Variants in ENO4 observed in about 807,000 individuals in gnomAD.
The protein encoded by ENO4 is 2-phospho-D-glycerate hydro-lyase.
A neutral mutation model predicts 63.2 loss-of-function variants in ENO4; 53 were observed. That is an observed-to-expected ratio of 0.84 (90% CI 0.67 to 1.05). The LOEUF (loss-of-function observed/expected upper bound fraction) is 1.05. ENO4 is among the 50% of genes least tolerant of loss of function. The pLI is 0.00. For missense variants in ENO4, 719 were observed against 772.0 expected (o/e 0.93, Z 0.81); for synonymous variants, 266 against 283.8 (o/e 0.94, Z 0.63).
chr10:116,862,694 G>A, intron 6 of ENO4, 105 bp from the exon 7 acceptor site: 1 of 738,294 alleles, frequency 1.4e-6, no homozygotes, highest in East Asian at 2.7e-5. Flanking sequence ...TGCTAATCAG[G>A]GACTCTACAA....
chr10:116,886,391 CTTT>C (rs1847164850), downstream of ENO4: 5 of 1,570,788 alleles, frequency 3.2e-6, no homozygotes, highest in Non-Finnish European at 4.3e-6. Context: ...ATGCTGTCTT[CTTT>C]GTTTTCTGGT....
At chr10:116,887,118 T>TA (rs1314095936), downstream of ENO4, among the ~76,000 whole-genome samples, 3 of 152,034 alleles carry the variant, frequency 2.0e-5, no homozygotes, top group Non-Finnish European at 2.9e-5. Context: ...CAGGAGGGGG[T>TA]GGTGGTAGGA....
downstream of ENO4, chr10:116,883,001 T>C (rs892706828): frequency 2.8e-5 from 4 of 144,238 alleles, 1 homozygote; most frequent in South Asian, 8.6e-4. Flanking sequence ...CACACACACA[T>C]CATGAGACTA....
At chr10:116,861,234 A>ATATAT (rs1491202440) in intron 6 of ENO4, 44 bp downstream of exon 6, 23 of 404,290 alleles carry the variant, frequency 5.7e-5, no homozygotes, top group East Asian at 5.2e-4. Flanking sequence ...AAAAAAAAAA[A>ATATAT]AAATATATAT....
intron 10 of ENO4, among the ~76,000 whole-genome samples, chr10:116,894,924 C>T (rs2092953579): frequency 6.6e-6 from 1 of 152,188 alleles, no homozygotes; most frequent in African/African-American, 2.4e-5. Flanking sequence ...TTAAGATCTG[C>T]TTACCTCTTT....
intron 7 of ENO4, among the ~76,000 whole-genome samples, chr10:116,867,690 T>TA (rs1427793548): frequency 6.6e-6 from 1 of 152,156 alleles, no homozygotes; most frequent in African/African-American, 2.4e-5. Flanking sequence ...GTTGTTTTTT[T>TA]CCCTGGTTAT....
At chr10:116,891,583 T>A (rs1309086486) in intron 10 of ENO4, among the ~76,000 whole-genome samples, 1 of 152,228 alleles carries the variant, frequency 6.6e-6, no homozygotes. Context: ...TCCTTTTATA[T>A]TTTCTCTGGT....
At chr10:116,880,356 T>A (rs561141446) in intron 13 of ENO4, among the ~76,000 whole-genome samples, 43 of 152,336 alleles carry the variant, frequency 2.8e-4, no homozygotes, top group African/African-American at 3.6e-4. Context: ...GGAAACAAAC[T>A]GTTTTACTTA....
Position 116,860,774 on chromosome 10 carries a change from C to A in ENO4, c.635-20C>A. The A allele has an allele frequency of 2.8e-6, 4 of 1,415,780 alleles. No homozygotes were observed. The highest frequency in any genetic ancestry group is 3.7e-6 in the Non-Finnish European group (4 of 1,066,970). The allele number at this position is 1,415,780 out of a possible 1,614,324, so 87.7% of individuals were successfully genotyped here. On this transcript the variant is annotated intron_variant, in intron 4 of 13. Coordinates refer to ENST00000341276, the MANE Select transcript of ENO4 (RefSeq NM_001242699.2). ...AAGCATTTAGAAATACAGTCTTACT[C>A]TCAATATTTCTCCCTCCAGGGAGGA...
Position 116,860,944 on chromosome 10 carries a change from C to T in ENO4, c.785C>T (p.Ala262Val). ...LLNKPLYLNI[A>V]LLKHNQEQPT... ...AATAAACCTCTGTACTTAAATATCG[C>T]TCTACTGAAGCACAATCAGGTTAGT... The change falls in exon 5 of 14, where the codon GCT becomes GTT. Residue 262 changes from alanine (A) to valine (V), a missense_variant. Around this residue, in one of 3 missense-constraint regions of ENO4, gnomAD observed 544 missense variants for 583.6 expected, o/e 0.93. Coordinates refer to ENST00000341276, the MANE Select transcript of ENO4 (RefSeq NM_001242699.2). 1 of 1,544,448 alleles carries T rather than the reference C, an allele frequency of 6.5e-7. No homozygotes were observed. Among genetic ancestry groups the T allele is most frequent in the Non-Finnish European group, 8.8e-7 (1 of 1,142,466 alleles).
chr10:116,854,430 C>T (rs1464016653), intron 1 of ENO4, among the ~76,000 whole-genome samples: 5 of 151,896 alleles, frequency 3.3e-5, no homozygotes, highest in African/African-American at 7.3e-5. Flanking sequence ...CGTTTTGGTG[C>T]ACGCCTGTAA....
chr10:116,863,255 G>A (rs1246431124), intron 7 of ENO4, among the ~76,000 whole-genome samples: 1 of 152,054 alleles, frequency 6.6e-6, no homozygotes, highest in Non-Finnish European at 1.5e-5. Flanking sequence ...AGACGCAGGC[G>A]TATGAGTCGC....
chr10:116,858,735 C>T (rs1476236596), intron 3 of ENO4, among the ~76,000 whole-genome samples: 2 of 152,104 alleles, frequency 1.3e-5, no homozygotes, highest in Non-Finnish European at 2.9e-5. Flanking sequence ...ACCCAGGGCG[C>T]TCAAATAATT....
chr10:116,893,641 G>GGTGGGA (rs879509756), intron 10 of ENO4, among the ~76,000 whole-genome samples: 128 of 136,292 alleles, frequency 9.4e-4, no homozygotes, highest in Non-Finnish European at 1.7e-3. Flanking sequence ...AAATGGTGGG[G>GGTGGGA]GTGGGAGTAT....
intron 10 of ENO4, among the ~76,000 whole-genome samples, chr10:116,875,268 C>A (rs966427042): frequency 1.3e-5 from 2 of 152,172 alleles, no homozygotes; most frequent in Non-Finnish European, 2.9e-5. Context: ...CTCCATTCTA[C>A]ACCAGCATAC....
chr10:116,849,905 A>C, intron 1 of ENO4, 174 bp downstream of exon 1: 1 of 774,370 alleles, frequency 1.3e-6, no homozygotes, highest in Non-Finnish European at 2.2e-6. Context: ...AAGGACACCC[A>C]GGGGTGAAGG....
chr10:116,861,322 A>C (rs1036668086), intron 6 of ENO4, 132 bp downstream of exon 6: 1 of 271,436 alleles, frequency 3.7e-6, no homozygotes, highest in Non-Finnish European at 6.2e-6. Flanking sequence ...TATTTTAGGA[A>C]ATCAGAGAAG....
chr10:116,894,550 G>A (rs1847446182), intron 10 of ENO4, among the ~76,000 whole-genome samples: 1 of 152,154 alleles, frequency 6.6e-6, no homozygotes, highest in African/African-American at 2.4e-5. Context: ...ATTAATTGTG[G>A]CTTAAAAGGA....
chr10:116,877,856 C>G (rs1455667048), intron 11 of ENO4, among the ~76,000 whole-genome samples: 3 of 152,188 alleles, frequency 2.0e-5, no homozygotes, highest in Non-Finnish European at 2.9e-5. Flanking sequence ...GATAAGAAAA[C>G]AAGACTTGGA....
Sources: allele counts gnomAD v4.1 joint callset (sites outside exome capture counted in the v4.1 genomes callset), GRCh38; gene constraint gnomAD v4.1.1; regional missense constraint gnomAD v4.1.1; transcripts MANE v1.5; gene names NCBI Gene and HGNC (gene_info 2026-07-23, HGNC 2026-07-21).